Variants in CTBP2 observed in about 807,000 individuals in gnomAD.
CTBP2 encodes C-terminal-binding protein 2.
A neutral mutation model predicts 80.3 loss-of-function variants in CTBP2; 30 were observed. That is an observed-to-expected ratio of 0.37 (90% CI 0.28 to 0.51). CTBP2 has a LOEUF of 0.51. Ranked by LOEUF, CTBP2 falls within the 20% of genes least tolerant of loss-of-function variation. The pLI is 0.93. For synonymous variants in CTBP2, 594 were observed against 587.4 expected (o/e 1.01, Z -0.16); for missense variants, 1,212 against 1,375.3 (o/e 0.88, Z 1.88).
chr10:125,092,337 C>T (rs548587597), intron 2 of CTBP2, among the ~76,000 whole-genome samples: 19 of 152,084 alleles, frequency 1.2e-4, no homozygotes, highest in African/African-American at 3.9e-4. Context: ...ACTGCAGTCA[C>T]GTGCCATCAC....
At chr10:125,117,696 T>C (rs1237440283) in intron 1 of CTBP2, among the ~76,000 whole-genome samples, 1 of 152,268 alleles carries the variant, frequency 6.6e-6, no homozygotes, top group Non-Finnish European at 1.5e-5. Flanking sequence ...TTAGCATTGC[T>C]GGATTATTCC....
Position 124,992,823 on chromosome 10 carries a change from A to T in CTBP2, c.2660-11T>A. 1 of 1,580,512 alleles carries T rather than the reference A, an allele frequency of 6.3e-7. No individual in the cohort carries two copies. The highest frequency in any genetic ancestry group is 8.7e-7 in the Non-Finnish European group (1 of 1,153,410). On this transcript the variant is annotated splice_polypyrimidine_tract_variant and intron_variant, in intron 7 of 8. Coordinates refer to ENST00000309035, the MANE Select transcript of CTBP2 (RefSeq NM_022802.3). Reference sequence around the variant, plus strand: ...TTTCTGGGATGCGACCTAGGGTAAGATGATTAAAATTAATCATATTATTTT... The same window carrying T: ...TTTCTGGGATGCGACCTAGGGTAAGTTGATTAAAATTAATCATATTATTTT...
At chr10:125,030,115 C>T (rs951658794), upstream of CTBP2, among the ~76,000 whole-genome samples, 2 of 148,366 alleles carry the variant, frequency 1.3e-5, no homozygotes, top group African/African-American at 5.0e-5. Flanking sequence ...TAACTGGACT[C>T]ACTTTTCCAA....
chr10:125,050,508 C>T (rs1412524323), intron 2 of CTBP2, among the ~76,000 whole-genome samples: 10 of 152,188 alleles, frequency 6.6e-5, no homozygotes, highest in Non-Finnish European at 1.5e-4. Flanking sequence ...CATGACTGCA[C>T]CCAAAGGGAG....
At chr10:125,052,754 A>G (rs1351149830) in intron 2 of CTBP2, among the ~76,000 whole-genome samples, 1 of 152,184 alleles carries the variant, frequency 6.6e-6, no homozygotes, top group Non-Finnish European at 1.5e-5. Context: ...AATCACAGGC[A>G]CCATCGGTTC....
rs1180868377 is a variant in CTBP2, at chr10:125,066,294, G to A, written c.-101-27139C>T. Among the ~76,000 whole-genome samples the A allele has an allele frequency of 3.3e-5, 5 of 152,088 alleles. No homozygotes were observed. The highest frequency in any genetic ancestry group is 5.9e-5 in the Non-Finnish European group (4 of 68,030). ...CCAAATCCTAACCCCAGCAGAGCCA[G>A]AGACTCAATGCTTTGTGTCACATGG... On this transcript the variant is annotated intron_variant, in intron 2 of 10. Coordinates refer to the CTBP2 transcript ENST00000337195. This position sits in a 1 kb window ranked among gnomAD's most constrained non-coding sequence, Gnocchi z 4.1.
chr10:125,101,648 G>C (rs1161512812), intron 2 of CTBP2, among the ~76,000 whole-genome samples: 1 of 152,188 alleles, frequency 6.6e-6, no homozygotes, highest in Non-Finnish European at 1.5e-5. Context: ...CAGGAACACA[G>C]CAGACCTTCA....
At chr10:125,116,940 C>T (rs1286660063) in intron 1 of CTBP2, among the ~76,000 whole-genome samples, 2 of 152,182 alleles carry the variant, frequency 1.3e-5, no homozygotes, top group Admixed American at 6.5e-5. Flanking sequence ...GCCCTTGACT[C>T]GAGGCCATGA....
rs77189936 is a variant in CTBP2 at position 125,061,487 on chromosome 10, C to T, written c.-101-22332G>A. On this transcript the variant is annotated intron_variant, in intron 2 of 10. Coordinates refer to the CTBP2 transcript ENST00000337195. ...GGCCCTGCAGCGCCAGGAACAGGACCTCCCTCACCTCTCCTCCTCCTTGCT... is the reference window on the plus strand; with the variant it reads ...GGCCCTGCAGCGCCAGGAACAGGACTTCCCTCACCTCTCCTCCTCCTTGCT... Among the ~76,000 whole-genome samples, 565 of 152,304 alleles carry T rather than the reference C, an allele frequency of 3.7e-3. 2 individuals carry two copies. The highest frequency in any genetic ancestry group is 0.013 in the African/African-American group (541 of 41,560).
chr10:125,155,140 A>C (rs907934130), intron 1 of CTBP2, among the ~76,000 whole-genome samples: 3 of 152,256 alleles, frequency 2.0e-5, no homozygotes, highest in African/African-American at 7.2e-5. Context: ...GAGAAAGCAC[A>C]CGACGTTCCT....
intron 2 of CTBP2, among the ~76,000 whole-genome samples, chr10:125,095,010 G>A (rs1849341477): frequency 6.6e-6 from 1 of 152,130 alleles, no homozygotes; most frequent in Non-Finnish European, 1.5e-5. Flanking sequence ...GGCAGGGCTG[G>A]GTGGCGCTGT....
At chr10:125,153,795 A>G (rs1435198594) in intron 1 of CTBP2, among the ~76,000 whole-genome samples, 2 of 152,368 alleles carry the variant, frequency 1.3e-5, no homozygotes, top group Admixed American at 6.5e-5. Context: ...GGTTCCTTCC[A>G]GAGAAACTTC....
intron 1 of CTBP2, among the ~76,000 whole-genome samples, chr10:125,132,590 A>G (rs1402945717): frequency 6.6e-6 from 1 of 152,184 alleles, no homozygotes; most frequent in Non-Finnish European, 1.5e-5. Flanking sequence ...GCTGTCTCCC[A>G]GCACACCCCC....
Position 124,994,003 on chromosome 10 carries a change from A to T in CTBP2, c.2401-18T>A. On this transcript the variant is annotated intron_variant, in intron 5 of 8. Transcript: ENST00000309035. ...TGCCTCATCTGTGGAAGGAAAGAAAAGCCGGTTACAGGCACACTGGCATGG... is the reference window on the plus strand; with the variant it reads ...TGCCTCATCTGTGGAAGGAAAGAAATGCCGGTTACAGGCACACTGGCATGG... The T allele has an allele frequency of 1.9e-6, 3 of 1,613,602 alleles. No homozygotes were observed. The highest frequency in any genetic ancestry group is 2.5e-6 in the Non-Finnish European group (3 of 1,179,838).
intron 2 of CTBP2, among the ~76,000 whole-genome samples, chr10:125,045,709 TCA>T (rs760516327): frequency 7.4e-4 from 112 of 152,278 alleles, no homozygotes; most frequent in Middle Eastern, 3.4e-3. Flanking sequence ...CAGGCTGGTC[TCA>T]AACTCCTGAC....
chr10:125,129,200 A>G (rs1280158223), intron 1 of CTBP2, among the ~76,000 whole-genome samples: 1 of 152,108 alleles, frequency 6.6e-6, no homozygotes, highest in East Asian at 1.9e-4. Context: ...AAAGAAACCA[A>G]AACAGTGGTG....
rs1305893780 is a variant in CTBP2 at position 125,005,761 on chromosome 10, T to C, written c.1679-2269A>G. On this transcript the variant is annotated intron_variant, in intron 1 of 8. Transcript: ENST00000309035. ...TCAGTACACTCTTCTGGCCCCTACT[T>C]GAGGTCTGAGCGCACAACCCTGTGG... The C allele has an allele frequency of 1.9e-6, 3 of 1,612,912 alleles. No homozygotes were observed. In the Middle Eastern group the frequency reaches 4.9e-4, roughly 266 times the overall value.
In CTBP2 at chr10:124,984,680, G is replaced by GTT; in HGVS notation, c.*4836_*4837dup. 1 of 1,308,328 alleles carries GTT rather than the reference G, an allele frequency of 7.6e-7. No homozygotes were observed. Among genetic ancestry groups the GTT allele is most frequent in the African/African-American group, 1.5e-5 (1 of 67,962 alleles). 81.0% of individuals were successfully genotyped at this position (1,308,328 alleles called of 1,614,324 possible). ...GTTGATTGCTTTGGCCTTTTCATGA[G>GTT]TTAGCATACCAGCTGTAGGTTTCCA... On this transcript the variant is annotated 3_prime_UTR_variant, in exon 9 of 9. Transcript: ENST00000309035.
intron 3 of CTBP2, among the ~76,000 whole-genome samples, chr10:125,036,673 GTGT>G (rs1958916802): frequency 0.01 from 96 of 9,360 alleles, no homozygotes; most frequent in Middle Eastern, 0.056. Context: ...GAGGGGGTGT[GTGT>G]GTGTGTGTGT....
Sources: allele counts gnomAD v4.1 joint callset (sites outside exome capture counted in the v4.1 genomes callset), GRCh38; gene constraint gnomAD v4.1.1; non-coding constraint Gnocchi (gnomAD v3.1); transcripts MANE v1.5; gene names NCBI Gene and HGNC (gene_info 2026-07-23, HGNC 2026-07-21).